Variants in LHFPL3 observed in about 807,000 individuals in gnomAD.
The protein encoded by LHFPL3 is LHFPL tetraspan subfamily member 3.
A neutral mutation model predicts 19.3 loss-of-function variants in LHFPL3; 5 were observed. That is an observed-to-expected ratio of 0.26 (90% CI 0.14 to 0.54). The LOEUF is 0.54. Ranked by LOEUF, LHFPL3 falls within the 20% of genes least tolerant of loss-of-function variation. The pLI is 0.94. For missense variants in LHFPL3, 249 were observed against 307.4 expected (o/e 0.81, Z 1.42); for synonymous variants, 133 against 126.2 (o/e 1.05, Z -0.36).
rs1790066571 is a variant in LHFPL3 at position 104,346,420 on chromosome 7, A to G, written c.445+17196A>G. On this transcript the variant is annotated intron_variant, in intron 1 of 2. Transcript: ENST00000424859. ...GGATAATATTCTATTTCCTTTGCTT[A>G]ACTGTGTGGCCACATGAGCTCCAAA... Among the ~76,000 whole-genome samples, 3 of 149,094 alleles carry G rather than the reference A, an allele frequency of 2.0e-5. No individual in the cohort carries two copies. In the East Asian group the frequency reaches 5.9e-4, roughly 29 times the overall value.
At chr7:104,838,627 T>C (rs1442284008) in intron 2 of LHFPL3, among the ~76,000 whole-genome samples, 1 of 152,236 alleles carries the variant, frequency 6.6e-6, no homozygotes, top group Non-Finnish European at 1.5e-5. Flanking sequence ...TAAAGCATAA[T>C]AGGTGTTATA....
At chr7:104,453,251 T>A (rs1307012481) in intron 1 of LHFPL3, among the ~76,000 whole-genome samples, 7 of 150,756 alleles carry the variant, frequency 4.6e-5, no homozygotes, top group Admixed American at 1.3e-4. Flanking sequence ...TTTTTTTTTT[T>A]AATTATACTT....
intron 1 of LHFPL3, among the ~76,000 whole-genome samples, chr7:104,463,533 T>C (rs1422259254): frequency 6.6e-6 from 1 of 152,160 alleles, no homozygotes; most frequent in Admixed American, 6.5e-5. Flanking sequence ...GGGTAACTTA[T>C]AAAGGAAGAA....
intron 1 of LHFPL3, among the ~76,000 whole-genome samples, chr7:104,552,369 A>G (rs1794677151): frequency 6.6e-6 from 1 of 152,174 alleles, no homozygotes; most frequent in Admixed American, 6.5e-5. Context: ...TTCCTGACTT[A>G]TTACTATAGC....
At chr7:104,466,942 T>A (rs184557243) in intron 1 of LHFPL3, among the ~76,000 whole-genome samples, 1 of 152,250 alleles carries the variant, frequency 6.6e-6, no homozygotes, top group African/African-American at 2.4e-5. Context: ...ACTGTCTGTC[T>A]CTTTCCAAAG....
intron 2 of LHFPL3, among the ~76,000 whole-genome samples, chr7:104,877,107 C>T (rs1327423294): frequency 6.6e-6 from 1 of 152,114 alleles, no homozygotes; most frequent in Non-Finnish European, 1.5e-5. Context: ...AGGGGAACAT[C>T]ACACACCGGG....
At chr7:104,848,026 T>A (rs1216300921) in intron 2 of LHFPL3, among the ~76,000 whole-genome samples, 2 of 152,202 alleles carry the variant, frequency 1.3e-5, no homozygotes, top group Non-Finnish European at 2.9e-5. Flanking sequence ...CAGAAGTGGA[T>A]CATTTCTTGT....
intron 1 of LHFPL3, among the ~76,000 whole-genome samples, chr7:104,330,814 T>C (rs1391315223): frequency 6.6e-6 from 1 of 152,154 alleles, no homozygotes; most frequent in Non-Finnish European, 1.5e-5. Flanking sequence ...ATAACTAAGA[T>C]TTGGAATAAA....
At chr7:104,388,129 A>G (rs994571612) in intron 1 of LHFPL3, among the ~76,000 whole-genome samples, 3 of 152,116 alleles carry the variant, frequency 2.0e-5, no homozygotes, top group Non-Finnish European at 4.4e-5. Flanking sequence ...ACTCCTTTTT[A>G]TGGCTGCCTA....
chr7:104,532,950 A>G (rs1204437447), intron 1 of LHFPL3, among the ~76,000 whole-genome samples: 1 of 152,180 alleles, frequency 6.6e-6, no homozygotes, highest in Non-Finnish European at 1.5e-5. Flanking sequence ...ATTTGGTTTA[A>G]TGTGTCAAGG....
chr7:104,850,648 G>A (rs1316380621), intron 2 of LHFPL3, among the ~76,000 whole-genome samples: 1 of 152,144 alleles, frequency 6.6e-6, no homozygotes, highest in African/African-American at 2.4e-5. Context: ...TCAAAATGTA[G>A]TCTCCAGACC....
chr7:104,408,864 CTTTTT>C (rs561975535), intron 1 of LHFPL3, among the ~76,000 whole-genome samples: 3 of 105,430 alleles, frequency 2.8e-5, no homozygotes, highest in Non-Finnish European at 1.8e-5. Context: ...AATTTTCTTT[CTTTTT>C]TTTTTTTTTT....
chr7:104,773,230 C>G (rs966968900), intron 2 of LHFPL3, among the ~76,000 whole-genome samples: 4 of 152,232 alleles, frequency 2.6e-5, no homozygotes, highest in Admixed American at 2.6e-4. Context: ...CTTCACCCCC[C>G]ATCCTGGCAA....
At chr7:104,833,033 A>ATATTATATAATAGATATAT (rs1562808019) in intron 2 of LHFPL3, among the ~76,000 whole-genome samples, 1 of 1,414 alleles carries the variant, frequency 7.1e-4, no homozygotes, top group African/African-American at 1.3e-3. Context: ...TAGATATATT[A>ATATTATATAATAGATATAT]TATATATATA....
At chr7:104,702,707 G>GCAT (rs1554426733) in intron 1 of LHFPL3, among the ~76,000 whole-genome samples, 1 of 152,136 alleles carries the variant, frequency 6.6e-6, no homozygotes, top group Non-Finnish European at 1.5e-5. Flanking sequence ...GAGGAGAATG[G>GCAT]GGCAATGGCT....
intron 1 of LHFPL3, among the ~76,000 whole-genome samples, chr7:104,377,493 A>G (rs1790737729): frequency 6.6e-6 from 1 of 152,220 alleles, no homozygotes; most frequent in Non-Finnish European, 1.5e-5. Context: ...AATGCTTGGA[A>G]AAGCATCTCT....
intron 1 of LHFPL3, among the ~76,000 whole-genome samples, chr7:104,734,306 C>A (rs1002126291): frequency 6.6e-6 from 1 of 152,220 alleles, no homozygotes; most frequent in African/African-American, 2.4e-5. Flanking sequence ...TAATATCCTG[C>A]AGAGTGTTTT....
At chr7:104,462,143 C>G (rs976831899) in intron 1 of LHFPL3, among the ~76,000 whole-genome samples, 2 of 152,158 alleles carry the variant, frequency 1.3e-5, no homozygotes, top group Non-Finnish European at 2.9e-5. Flanking sequence ...AGCTTTTAAG[C>G]CAAGACTATG....
chr7:104,832,803 C>T (rs1367600871), intron 2 of LHFPL3, among the ~76,000 whole-genome samples: 1 of 148,006 alleles, frequency 6.8e-6, no homozygotes, highest in Non-Finnish European at 1.5e-5. Flanking sequence ...ATGACGAAAC[C>T]CTGTCTCTAC....
Sources: allele counts gnomAD v4.1 joint callset (sites outside exome capture counted in the v4.1 genomes callset), GRCh38; gene constraint gnomAD v4.1.1; transcripts MANE v1.5; gene names NCBI Gene and HGNC (gene_info 2026-07-23, HGNC 2026-07-21).